The following DOCK2 variants were observed in gnomAD, a reference collection of about 807,000 sequenced individuals.
DOCK2 encodes dedicator of cytokinesis 2, also known as dedicator of cytokinesis protein 2.
Under a neutral mutation model 248.9 loss-of-function variants are expected in DOCK2, and 87 were observed. The ratio of observed to expected loss-of-function variants is 0.35; its 90% confidence interval spans 0.29 to 0.42. The LOEUF is 0.42. Ranked by LOEUF, DOCK2 falls within the 10% of genes least tolerant of loss-of-function variation. DOCK2 has a pLI of 1.00. For missense variants in DOCK2, 1,747 were observed against 2,300.2 expected (o/e 0.76, Z 4.92); for synonymous variants, 805 against 821.6 (o/e 0.98, Z 0.35).
chr5:169,826,788 A>G (rs987118580), intron 26 of DOCK2, among the ~76,000 whole-genome samples: 4 of 152,190 alleles, frequency 2.6e-5, no homozygotes, highest in Admixed American at 6.5e-5. Context: ...TGTTTCTCCC[A>G]GCTGGCTCTG....
intron 2 of DOCK2, among the ~76,000 whole-genome samples, chr5:169,655,275 C>A (rs1381109767): frequency 6.6e-6 from 1 of 152,170 alleles, no homozygotes; most frequent in Non-Finnish European, 1.5e-5. Flanking sequence ...CCTGCTGATA[C>A]CTCCTGCTGC....
intron 25 of DOCK2, among the ~76,000 whole-genome samples, chr5:169,783,833 A>C (rs1460265786): frequency 6.6e-6 from 1 of 152,246 alleles, no homozygotes; most frequent in Non-Finnish European, 1.5e-5. Flanking sequence ...GTTCTTTCCA[A>C]TAAGCAAGCT....
At chr5:170,042,626 T>C (rs999237011) in intron 38 of DOCK2, among the ~76,000 whole-genome samples, 2 of 152,176 alleles carry the variant, frequency 1.3e-5, no homozygotes, top group African/African-American at 4.8e-5. Flanking sequence ...GTACTTGCTT[T>C]TCCCAGCTGG....
At chr5:169,917,441 C>G (rs1428339742) in intron 27 of DOCK2, among the ~76,000 whole-genome samples, 4 of 152,134 alleles carry the variant, frequency 2.6e-5, no homozygotes, top group Non-Finnish European at 5.9e-5. Flanking sequence ...AAAGTTTGAG[C>G]TCTAGTGCTT....
intron 22 of DOCK2, among the ~76,000 whole-genome samples, chr5:169,729,649 C>A (rs1407942469): frequency 6.6e-6 from 1 of 152,160 alleles, no homozygotes; most frequent in Non-Finnish European, 1.5e-5. Context: ...TCATGCTGCC[C>A]TTATATTATA....
chr5:169,786,771 G>A (rs1199979684), intron 25 of DOCK2, among the ~76,000 whole-genome samples: 2 of 151,872 alleles, frequency 1.3e-5, no homozygotes, highest in Admixed American at 6.6e-5. Context: ...AAATAATATG[G>A]ACTCTATGTA....
At chr5:170,053,476 A>G (rs1255590750) in intron 41 of DOCK2, among the ~76,000 whole-genome samples, 1 of 152,178 alleles carries the variant, frequency 6.6e-6, no homozygotes, top group Non-Finnish European at 1.5e-5. Flanking sequence ...TCACGTTACA[A>G]AATACTCTTT....
At chr5:170,050,534 ACATGTTCTTTGGATC>A in intron 41 of DOCK2, 137 bp downstream of exon 41, 8 of 1,038,090 alleles carry the variant, frequency 7.7e-6, no homozygotes, top group South Asian at 1.7e-5. Context: ...GGAACATGCA[ACATGTTCTTTGGATC>A]CATGTTCTTT....
chr5:170,078,835 C>A, intron 48 of DOCK2, 140 bp from the exon 49 acceptor site: 1 of 850,688 alleles, frequency 1.2e-6, no homozygotes, highest in Non-Finnish European at 1.8e-6. Flanking sequence ...AAATCCTCTG[C>A]CAGATTTGCT....
chr5:170,057,331 A>G, intron 43 of DOCK2: 1 of 542,504 alleles, frequency 1.8e-6, no homozygotes, highest in South Asian at 2.0e-5. Context: ...CTAAAAATTC[A>G]GACTGCTAAT....
At chr5:169,916,267 G>A (rs1162306094) in intron 27 of DOCK2, among the ~76,000 whole-genome samples, 1 of 152,198 alleles carries the variant, frequency 6.6e-6, no homozygotes, top group Non-Finnish European at 1.5e-5. Context: ...AATTCTAGGT[G>A]TGTTTGTCCA....
chr5:169,724,319 A>G (rs1762357630), intron 22 of DOCK2, among the ~76,000 whole-genome samples: 1 of 152,218 alleles, frequency 6.6e-6, no homozygotes, highest in African/African-American at 2.4e-5. Context: ...AGGAGTGGTC[A>G]GGAAAGGCAT....
chr5:169,762,537 G>C (rs933825549), intron 25 of DOCK2, among the ~76,000 whole-genome samples: 4 of 152,144 alleles, frequency 2.6e-5, no homozygotes, highest in Non-Finnish European at 5.9e-5. Flanking sequence ...GATCAGGCAG[G>C]ATTCAGAAGC....
At chr5:169,971,418 C>A (rs1275729656) in intron 27 of DOCK2, among the ~76,000 whole-genome samples, 1 of 129,794 alleles carries the variant, frequency 7.7e-6, no homozygotes, top group Non-Finnish European at 1.6e-5. Context: ...TGCCCCTTTC[C>A]TCCTAGAGCC....
At chr5:169,944,683 G>A (rs1776375955) in intron 27 of DOCK2, among the ~76,000 whole-genome samples, 1 of 152,252 alleles carries the variant, frequency 6.6e-6, no homozygotes, top group Non-Finnish European at 1.5e-5. Flanking sequence ...TTAATGAAAA[G>A]CATCTGGGAT....
intron 2 of DOCK2, among the ~76,000 whole-genome samples, chr5:169,657,454 C>T (rs1027277308): frequency 2.0e-5 from 3 of 152,130 alleles, no homozygotes; most frequent in African/African-American, 7.2e-5. Context: ...AGAGGTGAAT[C>T]ACAATACAAG....
intron 22 of DOCK2, among the ~76,000 whole-genome samples, chr5:169,730,977 G>C (rs563227604): frequency 6.6e-6 from 1 of 151,996 alleles, no homozygotes; most frequent in African/African-American, 2.4e-5. Context: ...GAACTCCTGG[G>C]CTCAAGTGAT....
chr5:169,708,138 C>G (rs1450966947), intron 14 of DOCK2, 31 bp from the exon 15 acceptor site: 1 of 1,607,654 alleles, frequency 6.2e-7, no homozygotes. Flanking sequence ...ATTCTGTAGT[C>G]TTTTCCCTCA....
chr5:169,769,587 T>C (rs1764974493), intron 25 of DOCK2, among the ~76,000 whole-genome samples: 1 of 152,192 alleles, frequency 6.6e-6, no homozygotes, highest in Non-Finnish European at 1.5e-5. Context: ...AGCTTAGATG[T>C]CCCTGAGGAG....
Sources: gnomAD v4.1 joint callset for allele counts (sites outside exome capture counted in the v4.1 genomes callset) on GRCh38, gnomAD v4.1.1 for gene constraint, MANE v1.5 for transcripts, NCBI Gene and HGNC (gene_info 2026-07-23, HGNC 2026-07-21) for gene names.